Variants in XYLT1 observed in about 807,000 individuals in gnomAD.
XYLT1 encodes the protein xylosyltransferase 1.
XYLT1 carries 36 observed loss-of-function variants against 91.3 expected under a neutral mutation model. The observed-to-expected ratio is 0.39, with a 90% CI of 0.30 to 0.52. XYLT1 has a LOEUF of 0.52. Ranked by LOEUF, XYLT1 falls within the 20% of genes least tolerant of loss-of-function variation. XYLT1 has a pLI of 0.68. For synonymous variants in XYLT1, 588 were observed against 532.0 expected (o/e 1.11, Z -1.45); for missense variants, 1,242 against 1,284.5 (o/e 0.97, Z 0.51).
chr16:17,191,680 C>A (rs1277711737), intron 5 of XYLT1, among the ~76,000 whole-genome samples: 1 of 152,204 alleles, frequency 6.6e-6, no homozygotes, highest in Non-Finnish European at 1.5e-5. Context: ...TGTAGAGAAG[C>A]CCTGGCCACC....
intron 1 of XYLT1, among the ~76,000 whole-genome samples, chr16:17,400,189 T>C (rs1357377813): frequency 6.6e-6 from 1 of 152,186 alleles, no homozygotes; most frequent in Non-Finnish European, 1.5e-5. Context: ...ACATCAAGCA[T>C]TCAATCAACA....
At chr16:17,128,793 C>T (rs374135139) in intron 9 of XYLT1, among the ~76,000 whole-genome samples, 3 of 152,142 alleles carry the variant, frequency 2.0e-5, no homozygotes, top group East Asian at 3.9e-4. Context: ...AGGAGTACCT[C>T]GGAGGAGACC....
chr16:17,351,941 C>CAAGA (rs1428864556), intron 2 of XYLT1, among the ~76,000 whole-genome samples: 22 of 152,216 alleles, frequency 1.4e-4, no homozygotes, highest in African/African-American at 5.1e-4. Flanking sequence ...CCCAGAAGTT[C>CAAGA]AAGACCAGTC....
chr16:17,123,901 TTTTTAATTGCTGTTGCTTTAAAG>T (rs2030164423), intron 10 of XYLT1, among the ~76,000 whole-genome samples: 1 of 152,202 alleles, frequency 6.6e-6, no homozygotes, highest in South Asian at 2.1e-4. Flanking sequence ...CTCTTTGTCT[TTTTTAATTGCTGTTGCTTTAAAG>T]TTTTGTTTTG....
At chr16:17,337,909 TG>T (rs2035010135) in intron 2 of XYLT1, among the ~76,000 whole-genome samples, 1 of 151,896 alleles carries the variant, frequency 6.6e-6, no homozygotes, top group African/African-American at 2.4e-5. Flanking sequence ...CCCGAGTAGC[TG>T]TGATTACAGG....
intron 2 of XYLT1, among the ~76,000 whole-genome samples, chr16:17,317,282 G>A (rs1380591074): frequency 6.6e-6 from 1 of 152,082 alleles, no homozygotes; most frequent in Non-Finnish European, 1.5e-5. Flanking sequence ...TGACATTCTT[G>A]ACGGATGCCC....
chr16:17,438,463 C>T (rs149435582), intron 1 of XYLT1, among the ~76,000 whole-genome samples: 8 of 152,164 alleles, frequency 5.3e-5, no homozygotes, highest in Middle Eastern at 3.4e-3. Flanking sequence ...ATTAAACATA[C>T]GCTACGTAAG....
At chr16:17,226,369 T>C (rs1253314040) in intron 3 of XYLT1, among the ~76,000 whole-genome samples, 1 of 152,236 alleles carries the variant, frequency 6.6e-6, no homozygotes, top group Non-Finnish European at 1.5e-5. Context: ...CTACTAGCAC[T>C]ATGGGCTGGA....
chr16:17,120,370 T>G (rs1429849533), intron 10 of XYLT1, among the ~76,000 whole-genome samples: 2 of 152,100 alleles, frequency 1.3e-5, no homozygotes, highest in Admixed American at 6.5e-5. Flanking sequence ...GCTTCACTTC[T>G]GTCATCTCTA....
intron 1 of XYLT1, among the ~76,000 whole-genome samples, chr16:17,443,867 T>C (rs193081570): frequency 3.5e-4 from 54 of 152,286 alleles, no homozygotes; most frequent in African/African-American, 1.3e-3. Context: ...AGCTGATCCT[T>C]TTCCTGCTTT....
At chr16:17,215,887 C>T (rs1191628189) in intron 3 of XYLT1, among the ~76,000 whole-genome samples, 1 of 152,084 alleles carries the variant, frequency 6.6e-6, no homozygotes, top group African/African-American at 2.4e-5. Context: ...TGGGTACCAC[C>T]TTAAGGACTG....
chr16:17,141,814 A>G (rs576389754), intron 6 of XYLT1, among the ~76,000 whole-genome samples: 1 of 152,372 alleles, frequency 6.6e-6, no homozygotes, highest in Non-Finnish European at 1.5e-5. Context: ...GGGTTATGAA[A>G]CAGCGAAAAA....
At chr16:17,283,609 T>C (rs1490504185) in intron 2 of XYLT1, among the ~76,000 whole-genome samples, 1 of 152,200 alleles carries the variant, frequency 6.6e-6, no homozygotes, top group Non-Finnish European at 1.5e-5. Context: ...AGATTTTGCC[T>C]TTGAAATGAC....
chr16:17,443,832 G>C (rs1396426718), intron 1 of XYLT1, among the ~76,000 whole-genome samples: 2 of 152,156 alleles, frequency 1.3e-5, no homozygotes, highest in African/African-American at 4.8e-5. Flanking sequence ...ATCTAGACTA[G>C]AGGGTTTTCT....
chr16:17,186,979 G>C (rs1312629210), intron 5 of XYLT1, among the ~76,000 whole-genome samples: 3 of 152,126 alleles, frequency 2.0e-5, no homozygotes, highest in Non-Finnish European at 4.4e-5. Flanking sequence ...AGCAAGGAAG[G>C]GGGCACACAG....
At position 17,137,365 on chromosome 16, in the gene XYLT1, T is replaced by G. The variant is rs529911146; in HGVS notation, c.1764+990A>C. Among the ~76,000 whole-genome samples the G allele has an allele frequency of 2.0e-5, 3 of 152,328 alleles. No individual in the cohort carries two copies. In the South Asian group the frequency reaches 6.2e-4, roughly 32 times the overall value. On this transcript the variant is annotated intron_variant, in intron 8 of 11. Transcript: ENST00000261381. ...ATCCCGCTCCACATCAAGGGCACCT[T>G]GGCTGGGTTATGAGCCTGGCATTGT... is the stretch of plus-strand genomic sequence containing the variant.
At chr16:17,414,258 A>G (rs892258432) in intron 1 of XYLT1, among the ~76,000 whole-genome samples, 1 of 152,074 alleles carries the variant, frequency 6.6e-6, no homozygotes. Context: ...CTTTATTTCT[A>G]TTTATTTGAC....
At chr16:17,197,204 T>C (rs1048177909) in intron 5 of XYLT1, among the ~76,000 whole-genome samples, 1 of 151,858 alleles carries the variant, frequency 6.6e-6, no homozygotes, top group Non-Finnish European at 1.5e-5. Context: ...CACTGAACCC[T>C]GCTGTTCCTC....
chr16:17,165,454 A>T lies in XYLT1; in HGVS notation c.1290-6545T>A, dbSNP rs1224126311. Among the ~76,000 whole-genome samples, 3 of 152,126 alleles carry T rather than the reference A, an allele frequency of 2.0e-5. 1 individual carries two copies. The stretch of plus-strand genomic sequence containing the variant: ...GTAATCTCAGCACTTTGGGAGGCCA[A>T]GGCAGGCGGATCATGAGGTCAAGAG... On this transcript the variant is annotated intron_variant, in intron 5 of 11. Coordinates refer to ENST00000261381, the MANE Select transcript of XYLT1 (RefSeq NM_022166.4).
Sources: allele counts gnomAD v4.1 joint callset (sites outside exome capture counted in the v4.1 genomes callset), GRCh38; gene constraint gnomAD v4.1.1; transcripts MANE v1.5; gene names NCBI Gene and HGNC (gene_info 2026-07-23, HGNC 2026-07-21).